Variants in SPEF2 observed in about 807,000 individuals in gnomAD.
The protein encoded by SPEF2 is sperm flagellar and cilia associated 2.
SPEF2 carries 187 observed loss-of-function variants against 224.6 expected under a neutral mutation model. The observed-to-expected ratio is 0.83, with a 90% CI of 0.74 to 0.94. The LOEUF (loss-of-function observed/expected upper bound fraction) is 0.94. SPEF2 is among the 40% of genes least tolerant of loss of function. The pLI, the probability that SPEF2 is intolerant of heterozygous loss-of-function variation, is 0.00. For missense variants in SPEF2, 2,170 were observed against 2,135.6 expected (o/e 1.02, Z -0.32); for synonymous variants, 715 against 707.3 (o/e 1.01, Z -0.17).
intron 19 of SPEF2, 43 bp from the exon 20 acceptor site, chr5:35,712,769 G>A: frequency 1.3e-6 from 2 of 1,580,672 alleles, no homozygotes; most frequent in Admixed American, 3.3e-5. Flanking sequence ...CCAGGCTATT[G>A]AAGTAAATCA....
At chr5:35,644,664 C>G in intron 4 of SPEF2, 139 bp downstream of exon 4, 1 of 525,712 alleles carries the variant, frequency 1.9e-6, no homozygotes, top group Non-Finnish European at 3.1e-6. Flanking sequence ...CTGCCCTACT[C>G]TCACCCTTTC....
At chr5:35,723,650 C>G (rs1744159406) in intron 20 of SPEF2, among the ~76,000 whole-genome samples, 1 of 151,962 alleles carries the variant, frequency 6.6e-6, no homozygotes, top group Non-Finnish European at 1.5e-5. Context: ...AATCCAAAGC[C>G]CTGAAATGAG....
chr5:35,790,150 A>G (rs6875303), intron 30 of SPEF2: 28,840 of 702,902 alleles, frequency 0.041, 3,141 homozygotes, highest in African/African-American at 0.29. Context: ...GAAGCAGAAC[A>G]TGGCTTTAGT....
At chr5:35,703,106 T>A (rs547939665) in intron 16 of SPEF2, among the ~76,000 whole-genome samples, 26 of 104,686 alleles carry the variant, frequency 2.5e-4, no homozygotes, top group African/African-American at 6.5e-4. Flanking sequence ...TTTTTTATTT[T>A]TTTTTTTATT....
intron 7 of SPEF2, among the ~76,000 whole-genome samples, chr5:35,655,069 G>A (rs1423764653): frequency 6.6e-6 from 1 of 152,154 alleles, no homozygotes; most frequent in East Asian, 1.9e-4. Flanking sequence ...GTTACTTTTA[G>A]AGGAAAAAGG....
intron 23 of SPEF2, among the ~76,000 whole-genome samples, chr5:35,743,603 C>A (rs1748020420): frequency 6.6e-6 from 1 of 152,016 alleles, no homozygotes; most frequent in Admixed American, 6.6e-5. Flanking sequence ...GCCCTATGAC[C>A]AAACTCATTA....
chr5:35,692,556 C>A lies in SPEF2; in HGVS notation c.1745-14C>A. Reference sequence around the variant, plus strand: ...AATGAAAAGCTATTTATAAAATTATCTTTTGTACTTTAGACTTTCCTATAC... The same window carrying A: ...AATGAAAAGCTATTTATAAAATTATATTTTGTACTTTAGACTTTCCTATAC... On this transcript the variant is annotated splice_polypyrimidine_tract_variant and intron_variant, in intron 11 of 36. Transcript: ENST00000356031. The A allele has an allele frequency of 1.9e-6, 3 of 1,560,370 alleles. No individual in the cohort carries two copies. The highest frequency in any genetic ancestry group is 1.7e-6 in the Non-Finnish European group (2 of 1,152,180).
intron 8 of SPEF2, among the ~76,000 whole-genome samples, chr5:35,664,253 C>T (rs115836364): frequency 0.015 from 2,000 of 135,072 alleles, 28 homozygotes; most frequent in South Asian, 0.056. Flanking sequence ...GGCAGTACCA[C>T]GTTTGCTCTT....
At chr5:35,795,903 T>G in intron 33 of SPEF2, 108 bp downstream of exon 33, 2 of 903,100 alleles carry the variant, frequency 2.2e-6, no homozygotes, top group Non-Finnish European at 1.8e-6. Flanking sequence ...TGCCCCTCAA[T>G]TCCTCTGCTG....
At chr5:35,777,049 C>G (rs544242930) in intron 29 of SPEF2, among the ~76,000 whole-genome samples, 45 of 152,298 alleles carry the variant, frequency 3.0e-4, no homozygotes, top group African/African-American at 1.0e-3. Context: ...TTGGCTTCAT[C>G]TATACAAGGA....
intron 33 of SPEF2, among the ~76,000 whole-genome samples, chr5:35,799,494 T>C (rs1166090098): frequency 6.6e-6 from 1 of 152,284 alleles, no homozygotes; most frequent in East Asian, 1.9e-4. Context: ...CCAGAGCAGG[T>C]GAACCAGTTT....
At chr5:35,708,531 CA>C (rs1740281779) in intron 18 of SPEF2, among the ~76,000 whole-genome samples, 1 of 140,714 alleles carries the variant, frequency 7.1e-6, no homozygotes, top group Non-Finnish European at 1.6e-5. Flanking sequence ...ACCCCCATGC[CA>C]ACCACCACCA....
chr5:35,655,090 A>C (rs898493857), intron 7 of SPEF2, among the ~76,000 whole-genome samples: 3 of 152,238 alleles, frequency 2.0e-5, no homozygotes, highest in African/African-American at 7.2e-5. Flanking sequence ...GAATGGTTTA[A>C]TGAAAACAAT....
Position 35,617,927 on chromosome 5 carries a change from C to A in SPEF2, c.-71C>A. The A allele has an allele frequency of 1.4e-6, 2 of 1,476,408 alleles. No homozygotes were observed. Among genetic ancestry groups the A allele is most frequent in the Non-Finnish European group, 1.9e-6 (2 of 1,077,982 alleles). The allele number at this position is 1,476,408 out of a possible 1,614,324, so 91.5% of individuals were successfully genotyped here. A position where few individuals can be genotyped will look rare whatever the true frequency, so the allele number is the denominator to read the frequency against. The stretch of plus-strand genomic sequence containing the variant: ...AGGGTTGCCCTTGGCTACAGGAGGA[C>A]GCGGGCTGGCAGGCTTGGTTCCTGG... On this transcript the variant is annotated 5_prime_UTR_variant, in exon 1 of 37. Coordinates refer to ENST00000356031, the MANE Select transcript of SPEF2 (RefSeq NM_024867.4).
In SPEF2 at chr5:35,793,339, C is replaced by T; in HGVS notation, c.4735C>T (p.Gln1579Ter). 1 of 1,610,244 alleles carries T rather than the reference C, an allele frequency of 6.2e-7. No individual in the cohort carries two copies. The highest frequency in any genetic ancestry group is 8.5e-7 in the Non-Finnish European group (1 of 1,178,800). Residue 1579 changes from glutamine to a stop codon, truncating the protein, a stop_gained and splice_region_variant, in exon 32 of 37, where the codon CAG becomes TAG. Transcript: ENST00000356031. LOFTEE classifies it high-confidence loss of function. Reference protein sequence around the residue: ...LGTITFEQYMQAGLWFTGDED... With the variant: ...LGTITFEQYM ...CACCATCACTTTTGAGCAGTATATG[C>T]AGGTTGTTACCAGCACCTGATGGCA...
At chr5:35,744,968 A>C (rs774249632) in intron 23 of SPEF2, among the ~76,000 whole-genome samples, 1 of 151,860 alleles carries the variant, frequency 6.6e-6, no homozygotes, top group Non-Finnish European at 1.5e-5. Context: ...CCCAAATACT[A>C]TGAGTGCCCT....
intron 1 of SPEF2, among the ~76,000 whole-genome samples, chr5:35,621,796 A>G (rs1031297912): frequency 2.0e-5 from 3 of 152,196 alleles, no homozygotes; most frequent in African/African-American, 7.2e-5. Flanking sequence ...TTGGAGGGGC[A>G]GTCAAAGCTA....
At chr5:35,788,229 C>A (rs1755447768) in intron 30 of SPEF2, 1 of 702,802 alleles carries the variant, frequency 1.4e-6, no homozygotes, top group East Asian at 2.7e-5. Context: ...AGCAAAGTAA[C>A]CCTCGGGAGA....
At chr5:35,634,777 T>C (rs975269930) in intron 2 of SPEF2, among the ~76,000 whole-genome samples, 1 of 152,128 alleles carries the variant, frequency 6.6e-6, no homozygotes, top group Non-Finnish European at 1.5e-5. Flanking sequence ...TATCTATTCG[T>C]ACCTATTGCT....
Sources: allele counts gnomAD v4.1 joint callset (sites outside exome capture counted in the v4.1 genomes callset), GRCh38; gene constraint gnomAD v4.1.1; transcripts MANE v1.5; gene names NCBI Gene and HGNC (gene_info 2026-07-23, HGNC 2026-07-21).